Variants in GPC5 observed in about 807,000 individuals in gnomAD.
GPC5 encodes glypican 5.
In GPC5, 47 loss-of-function variants were observed where a neutral mutation model predicts 53.9. The ratio of observed to expected loss-of-function variants is 0.87; its 90% CI spans 0.69 to 1.11. The LOEUF (loss-of-function observed/expected upper bound fraction) is 1.11. GPC5 is among the 50% of genes most tolerant of loss of function. The probability of loss-of-function intolerance (pLI) is 0.00; values close to 1 mark genes in which losing one functional copy is unlikely to be tolerated. For synonymous variants in GPC5, 286 were observed against 263.3 expected (o/e 1.09, Z -0.84); for missense variants, 748 against 713.1 (o/e 1.05, Z -0.56).
At chr13:91,732,295 G>T (rs1414561663) in intron 4 of GPC5, among the ~76,000 whole-genome samples, 1 of 151,266 alleles carries the variant, frequency 6.6e-6, no homozygotes, top group Admixed American at 6.6e-5. Flanking sequence ...TGATGTTGAG[G>T]TTTTTTTCAT....
At chr13:91,546,896 A>G (rs923396834) in intron 2 of GPC5, among the ~76,000 whole-genome samples, 4 of 152,224 alleles carry the variant, frequency 2.6e-5, no homozygotes, top group South Asian at 2.1e-4. Flanking sequence ...CAATTTTCAG[A>G]CTGTTTTTCT....
chr13:92,403,433 C>T (rs1875646847), intron 7 of GPC5, among the ~76,000 whole-genome samples: 1 of 152,204 alleles, frequency 6.6e-6, no homozygotes, highest in Non-Finnish European at 1.5e-5. Context: ...GCATTACCAC[C>T]TGAGCTCCGC....
intron 7 of GPC5, among the ~76,000 whole-genome samples, chr13:92,470,295 C>T (rs1287680278): frequency 6.6e-6 from 1 of 152,106 alleles, no homozygotes; most frequent in Non-Finnish European, 1.5e-5. Flanking sequence ...GTTTGTATTT[C>T]ACAGCAGATT....
chr13:92,413,034 A>G (rs1261328660), intron 7 of GPC5, among the ~76,000 whole-genome samples: 2 of 152,228 alleles, frequency 1.3e-5, no homozygotes, highest in African/African-American at 4.8e-5. Context: ...CCTATGTGCC[A>G]AATCCTTTGG....
In GPC5 at chr13:92,469,828, T is replaced by C. The variant is rs558054831; in HGVS notation, c.1561+324839T>C. ...AGTAGGGGTTCCCAAATACAAATTT[T>C]ATCACTACCTTGTAATAATTTATAT... On this transcript the variant is annotated intron_variant, in intron 7 of 7. Transcript: ENST00000377067. Among the ~76,000 whole-genome samples the C allele has an allele frequency of 3.7e-4, 56 of 152,266 alleles. 1 individual carries two copies. The highest frequency in any genetic ancestry group is 4.6e-4 in the Non-Finnish European group (31 of 67,994).
intron 7 of GPC5, among the ~76,000 whole-genome samples, chr13:92,175,510 C>G (rs999829037): frequency 6.6e-6 from 1 of 152,124 alleles, no homozygotes; most frequent in African/African-American, 2.4e-5. Context: ...GTCCAGCTAT[C>G]TAAGAGCTGA....
At chr13:92,046,914 A>C (rs978600916) in intron 6 of GPC5, among the ~76,000 whole-genome samples, 8 of 152,214 alleles carry the variant, frequency 5.3e-5, no homozygotes, top group African/African-American at 1.9e-4. Flanking sequence ...TGAATGTTTT[A>C]AAATCACTAA....
At chr13:92,273,521 C>T (rs550855491) in intron 7 of GPC5, among the ~76,000 whole-genome samples, 1 of 151,812 alleles carries the variant, frequency 6.6e-6, no homozygotes, top group African/African-American at 2.4e-5. Context: ...TAGCAATTGT[C>T]ATTATATTAA....
chr13:92,090,565 C>G (rs568576005), intron 6 of GPC5, among the ~76,000 whole-genome samples: 3 of 152,242 alleles, frequency 2.0e-5, no homozygotes, highest in Admixed American at 2.0e-4. Flanking sequence ...CTGTGGACAA[C>G]AAATTTCTAT....
At chr13:91,425,145 A>G (rs1367242423) in intron 1 of GPC5, among the ~76,000 whole-genome samples, 4 of 152,230 alleles carry the variant, frequency 2.6e-5, no homozygotes, top group South Asian at 4.1e-4. Flanking sequence ...ACAGCCTGCT[A>G]TATACCAGGT....
At chr13:91,820,969 A>T (rs959475137) in intron 5 of GPC5, among the ~76,000 whole-genome samples, 15 of 149,668 alleles carry the variant, frequency 1.0e-4, no homozygotes, top group South Asian at 2.1e-4. Context: ...TCTCAAAAAA[A>T]AAATAAACAA....
At chr13:92,550,026 T>C (rs535868259) in intron 7 of GPC5, among the ~76,000 whole-genome samples, 1 of 152,038 alleles carries the variant, frequency 6.6e-6, no homozygotes, top group South Asian at 2.1e-4. Context: ...CCCCTGTTTC[T>C]TAAGCCAGAG....
chr13:92,326,831 T>C (rs2043254774), intron 7 of GPC5, among the ~76,000 whole-genome samples: 1 of 152,120 alleles, frequency 6.6e-6, no homozygotes, highest in South Asian at 2.1e-4. Flanking sequence ...TCTATTTACT[T>C]CCCCAAGGAC....
chr13:91,806,943 A>T (rs2038231557), intron 5 of GPC5, among the ~76,000 whole-genome samples: 1 of 152,206 alleles, frequency 6.6e-6, no homozygotes, highest in Non-Finnish European at 1.5e-5. Context: ...GAACCATTTT[A>T]TGGGAATATT....
chr13:92,606,034 C>T (rs1014219083), intron 7 of GPC5, among the ~76,000 whole-genome samples: 10 of 152,096 alleles, frequency 6.6e-5, no homozygotes, highest in South Asian at 4.1e-4. Context: ...CTTTTAGTTA[C>T]TTGGTCTGGG....
At chr13:92,251,963 G>A (rs188942003) in intron 7 of GPC5, among the ~76,000 whole-genome samples, 10 of 152,228 alleles carry the variant, frequency 6.6e-5, no homozygotes, top group Admixed American at 6.6e-4. Context: ...AAACACTAAT[G>A]TAATTATCTC....
intron 7 of GPC5, among the ~76,000 whole-genome samples, chr13:92,218,003 G>A (rs148469615): frequency 8.2e-5 from 11 of 134,790 alleles, no homozygotes; most frequent in East Asian, 2.2e-4. Flanking sequence ...CTTCAGCCTT[G>A]AGCTCTAATT....
chr13:91,638,278 C>A (rs890740048), intron 2 of GPC5, among the ~76,000 whole-genome samples: 4 of 152,134 alleles, frequency 2.6e-5, no homozygotes, highest in African/African-American at 9.7e-5. Flanking sequence ...TTTCTCATTT[C>A]TAAATCTTTG....
chr13:91,823,581 T>C (rs934713534), intron 5 of GPC5, among the ~76,000 whole-genome samples: 1 of 152,222 alleles, frequency 6.6e-6, no homozygotes. Context: ...TCAGTCTTGA[T>C]CCAGGATTTA....
Sources: gnomAD v4.1 joint callset for allele counts (sites outside exome capture counted in the v4.1 genomes callset) on GRCh38, gnomAD v4.1.1 for gene constraint, MANE v1.5 for transcripts, NCBI Gene and HGNC (gene_info 2026-07-23, HGNC 2026-07-21) for gene names.